The following LTBP1 variants were observed in gnomAD, a reference collection of about 807,000 sequenced individuals.
The protein encoded by LTBP1 is latent-transforming growth factor beta-binding protein 1.
A neutral mutation model predicts 207.6 loss-of-function variants in LTBP1; 129 were observed. The ratio of observed to expected loss-of-function variants is 0.62; its 90% CI spans 0.54 to 0.72. The LOEUF (loss-of-function observed/expected upper bound fraction) is 0.72. Among genes scored for constraint, LTBP1 ranks in the 30% least tolerant of loss-of-function variants. The pLI, the probability that LTBP1 is intolerant of heterozygous loss-of-function variation, is 0.00. For synonymous variants in LTBP1, 963 were observed against 833.7 expected (o/e 1.16, Z -2.67); for missense variants, 2,281 against 2,217.2 (o/e 1.03, Z -0.58).
At chr2:33,150,444 T>G (rs984380649) in intron 5 of LTBP1, among the ~76,000 whole-genome samples, 1 of 152,166 alleles carries the variant, frequency 6.6e-6, no homozygotes. Flanking sequence ...TAAGCTGTTT[T>G]TAAATGTATG....
At chr2:32,988,370 G>A (rs1046430655) in intron 2 of LTBP1, among the ~76,000 whole-genome samples, 2 of 152,190 alleles carry the variant, frequency 1.3e-5, no homozygotes, top group African/African-American at 4.8e-5. Context: ...ACTCTGGGGA[G>A]TCAGGTGAGA....
chr2:33,243,463 T>C (rs1213128886), intron 9 of LTBP1, among the ~76,000 whole-genome samples, 199 bp from the exon 10 acceptor site: 2 of 152,202 alleles, frequency 1.3e-5, no homozygotes. Context: ...ATGTAGTAGG[T>C]ATGTAATAAA....
At chr2:33,008,691 T>C (rs1329894012) in intron 2 of LTBP1, among the ~76,000 whole-genome samples, 1 of 152,238 alleles carries the variant, frequency 6.6e-6, no homozygotes, top group African/African-American at 2.4e-5. Context: ...TATACTTTAC[T>C]GGAAGAAGTG....
rs1465009974 is a variant in LTBP1, at chr2:33,379,362, A to G, written c.4712-9822A>G. 5.9e-5 allele frequency among the ~76,000 whole-genome samples: 9 copies of G among 152,152 alleles called. No homozygotes were observed. The East Asian group carries it at 1.4e-3, about 23-fold the overall frequency. ...GGAGCTGGGACTACAGGTGCCTGCC[A>G]CCATGCCCAGCTAATTTTTTGTATT... On this transcript the variant is annotated intron_variant, in intron 31 of 33. Coordinates refer to ENST00000404816, the MANE Select transcript of LTBP1 (RefSeq NM_206943.4).
intron 3 of LTBP1, among the ~76,000 whole-genome samples, chr2:33,042,821 A>T (rs2076255899): frequency 6.6e-6 from 1 of 152,146 alleles, no homozygotes; most frequent in Non-Finnish European, 1.5e-5. Flanking sequence ...ATAAATTGGT[A>T]TTTTTTAAAA....
chr2:33,367,338 G>A (rs921786173), intron 31 of LTBP1, among the ~76,000 whole-genome samples: 2 of 152,132 alleles, frequency 1.3e-5, no homozygotes, highest in South Asian at 2.1e-4. Context: ...ATAGATGAAA[G>A]TTAGAACTTA....
intron 5 of LTBP1, among the ~76,000 whole-genome samples, chr2:33,167,021 A>G (rs1232739872): frequency 6.6e-6 from 1 of 151,998 alleles, no homozygotes; most frequent in African/African-American, 2.4e-5. Flanking sequence ...GCTGATAGCT[A>G]CTCCGGGGTT....
At chr2:33,337,659 C>T (rs570037808) in intron 24 of LTBP1, among the ~76,000 whole-genome samples, 1 of 152,308 alleles carries the variant, frequency 6.6e-6, no homozygotes, top group East Asian at 1.9e-4. Context: ...CGCCTGTAAT[C>T]ACTAACCCAT....
In LTBP1 at chr2:33,261,862, G is replaced by A. The variant is rs2093020351; in HGVS notation, c.2419-860G>A. ...GGTGATACTTGAAGCCAGGAGAAGA[G>A]GATAAGAGGTTAACAGAGGCCAGAG... On this transcript the variant is annotated intron_variant, in intron 13 of 33. Transcript: ENST00000404816. Among the ~76,000 whole-genome samples the A allele has an allele frequency of 2.6e-5, 4 of 152,214 alleles. 1 individual carries two copies. In the South Asian group the frequency reaches 8.3e-4, roughly 31 times the overall value.
At chr2:33,277,813 T>TCTCTCTCTCTCTCTCTC (rs1558933843) in intron 18 of LTBP1, among the ~76,000 whole-genome samples, 31 of 71,746 alleles carry the variant, frequency 4.3e-4, no homozygotes, top group Non-Finnish European at 6.7e-4. Context: ...CTCTTTCTTT[T>TCTCTCTCTCTCTCTCTC]TTTCTTTCTT....
chr2:33,144,732 A>G (rs1572843409), intron 5 of LTBP1, among the ~76,000 whole-genome samples: 1 of 152,244 alleles, frequency 6.6e-6, no homozygotes, highest in Non-Finnish European at 1.5e-5. Context: ...TGCACCATTT[A>G]TTGGCATATG....
chr2:33,172,793 TAAC>T (rs1021254475), intron 5 of LTBP1, among the ~76,000 whole-genome samples: 13 of 152,094 alleles, frequency 8.5e-5, no homozygotes, highest in African/African-American at 3.1e-4. Flanking sequence ...ACAGAAATGA[TAAC>T]AAACTGTCTC....
At chr2:33,397,817 T>C (rs950166342) in intron 33 of LTBP1, among the ~76,000 whole-genome samples, 10 of 152,026 alleles carry the variant, frequency 6.6e-5, no homozygotes, top group East Asian at 3.9e-4. Context: ...CCACCACGCC[T>C]GGCCTCTTCT....
chr2:32,974,022 T>G (rs1558459697), intron 2 of LTBP1, among the ~76,000 whole-genome samples: 4 of 152,226 alleles, frequency 2.6e-5, no homozygotes, highest in Admixed American at 2.6e-4. Context: ...TTATGTTGCT[T>G]CCAAATGTTA....
chr2:33,378,221 G>GTGTGTGTT (rs143728872), intron 31 of LTBP1, among the ~76,000 whole-genome samples: 1,861 of 140,104 alleles, frequency 0.013, 46 homozygotes, highest in African/African-American at 0.049. Flanking sequence ...GTGTGTGTGT[G>GTGTGTGTT]TTTTGTTTGT....
intron 19 of LTBP1, among the ~76,000 whole-genome samples, chr2:33,291,032 A>C (rs967018060): frequency 3.1e-4 from 47 of 152,202 alleles, no homozygotes; most frequent in African/African-American, 1.1e-3. Context: ...CTATTTTCTC[A>C]GGAGCATAGT....
chr2:32,963,370 A>T (rs970840119), intron 2 of LTBP1, among the ~76,000 whole-genome samples: 2 of 146,466 alleles, frequency 1.4e-5, no homozygotes, highest in African/African-American at 2.5e-5. Context: ...ATGCCCAGCT[A>T]TTTTTTTTTT....
chr2:33,267,660 T>TA (rs1335073742), intron 15 of LTBP1, among the ~76,000 whole-genome samples: 19 of 152,218 alleles, frequency 1.2e-4, no homozygotes, highest in African/African-American at 4.3e-4. Context: ...TCTTTCAAAA[T>TA]ACTGCATTTC....
chr2:33,347,561 C>T (rs1163017954), intron 26 of LTBP1, 51 bp downstream of exon 26: 2 of 1,607,472 alleles, frequency 1.2e-6, no homozygotes, highest in Non-Finnish European at 1.7e-6. Context: ...TCTCAAAGAC[C>T]TGCACCCACA....
Sources: allele counts gnomAD v4.1 joint callset (sites outside exome capture counted in the v4.1 genomes callset), GRCh38; gene constraint gnomAD v4.1.1; transcripts MANE v1.5; gene names NCBI Gene and HGNC (gene_info 2026-07-23, HGNC 2026-07-21).